Variants in DLC1 observed in about 807,000 individuals in gnomAD.
DLC1 encodes the protein rho GTPase-activating protein 7.
In DLC1, 54 loss-of-function variants were observed where a neutral mutation model predicts 140.3. The ratio of observed to expected loss-of-function variants is 0.38; its 90% CI spans 0.31 to 0.48. The LOEUF is 0.48. Among genes scored for constraint, DLC1 ranks in the 20% least tolerant of loss-of-function variants. The pLI, the probability that DLC1 is intolerant of heterozygous loss-of-function variation, is 0.96. For synonymous variants in DLC1, 986 were observed against 728.1 expected (o/e 1.35, Z -5.70); for missense variants, 2,536 against 1,907.0 (o/e 1.33, Z -6.14).
chr8:13,388,603 G>C (rs138075719), intron 4 of DLC1, among the ~76,000 whole-genome samples: 2 of 151,922 alleles, frequency 1.3e-5, no homozygotes, highest in African/African-American at 2.4e-5. Flanking sequence ...TTCAACACAG[G>C]CTTTTTGAAA....
Position 13,085,501 on chromosome 8 carries a change from G to A in DLC1, c.*310C>T, listed in dbSNP as rs1224853101. The A allele has an allele frequency of 4.4e-6, 1 of 228,682 alleles. No homozygotes were observed. Among genetic ancestry groups the A allele is most frequent in the Non-Finnish European group, 8.7e-6 (1 of 115,528 alleles). The allele number at this position is 228,682 out of a possible 1,614,324, so 14.2% of individuals were successfully genotyped here. On this transcript the variant is annotated 3_prime_UTR_variant, in exon 18 of 18. Transcript: ENST00000276297. The stretch of plus-strand genomic sequence containing the variant: ...TACACTGATATCACAAGAGAATGAA[G>A]TATCTTCATTATCTTCCATAATGTA...
chr8:13,178,567 T>A (rs1179335228), intron 5 of DLC1, among the ~76,000 whole-genome samples: 1 of 132,500 alleles, frequency 7.5e-6, no homozygotes, highest in African/African-American at 3.1e-5. Context: ...AGTGAGACTC[T>A]GCCTCAAAAA....
At chr8:13,210,390 CTT>C (rs1827879580) in intron 5 of DLC1, among the ~76,000 whole-genome samples, 1 of 152,098 alleles carries the variant, frequency 6.6e-6, no homozygotes, top group Non-Finnish European at 1.5e-5. Context: ...TGTCAACAAA[CTT>C]TTACTGGAGG....
intron 1 of DLC1, among the ~76,000 whole-genome samples, chr8:13,595,160 C>A (rs1288247972): frequency 6.6e-6 from 1 of 151,990 alleles, no homozygotes; most frequent in Non-Finnish European, 1.5e-5. Flanking sequence ...ATTAAGATTA[C>A]TAAAAATAAT....
intron 2 of DLC1, among the ~76,000 whole-genome samples, chr8:13,465,456 G>A (rs577384810): frequency 7.0e-4 from 106 of 152,224 alleles, no homozygotes; most frequent in Non-Finnish European, 1.1e-3. Flanking sequence ...GAAATGGTAC[G>A]TCACTATGAC....
chr8:13,340,629 A>C (rs1833997880), intron 4 of DLC1: 1 of 152,156 alleles, frequency 6.6e-6, no homozygotes, highest in Admixed American at 6.5e-5. Context: ...TTCTGCTCCT[A>C]ATTTCCTTTC....
intron 4 of DLC1, among the ~76,000 whole-genome samples, chr8:13,390,602 A>T (rs1224134872): frequency 6.6e-6 from 1 of 152,184 alleles, no homozygotes; most frequent in Admixed American, 6.5e-5. Context: ...TTAAACCTAG[A>T]TGGCAGGTAG....
intron 1 of DLC1, among the ~76,000 whole-genome samples, chr8:13,538,062 A>C (rs2117323549): frequency 6.6e-6 from 1 of 152,330 alleles, no homozygotes. Context: ...TAATAATAAA[A>C]ATAATTACTA....
At chr8:13,525,800 G>A (rs1802904106) in intron 1 of DLC1, among the ~76,000 whole-genome samples, 1 of 152,090 alleles carries the variant, frequency 6.6e-6, no homozygotes, top group Non-Finnish European at 1.5e-5. Flanking sequence ...GCCTTTTGAA[G>A]AGTAGAAATT....
At chr8:13,580,420 A>G (rs1332959517) in intron 1 of DLC1, among the ~76,000 whole-genome samples, 2 of 152,144 alleles carry the variant, frequency 1.3e-5, no homozygotes, top group African/African-American at 2.4e-5. Context: ...CGCGCCCGGC[A>G]GGTTGGTTAC....
At chr8:13,235,370 C>G (rs960009645) in intron 5 of DLC1, among the ~76,000 whole-genome samples, 2 of 151,928 alleles carry the variant, frequency 1.3e-5, no homozygotes, top group Non-Finnish European at 2.9e-5. Flanking sequence ...TCAGGAAATA[C>G]AAGGAAAATG....
chr8:13,088,393 A>C, intron 16 of DLC1, 94 bp downstream of exon 16: 8 of 1,420,960 alleles, frequency 5.6e-6, no homozygotes, highest in Non-Finnish European at 3.8e-6. Context: ...CTCTACTTTA[A>C]ATAATTATAC....
intron 5 of DLC1, among the ~76,000 whole-genome samples, chr8:13,230,119 T>C (rs890627838): frequency 6.6e-6 from 1 of 152,244 alleles, no homozygotes; most frequent in Non-Finnish European, 1.5e-5. Context: ...ACTGATTTCA[T>C]GCACACCAAA....
chr8:13,198,367 G>C (rs190123988), intron 5 of DLC1, among the ~76,000 whole-genome samples: 2 of 152,086 alleles, frequency 1.3e-5, no homozygotes, highest in Non-Finnish European at 2.9e-5. Flanking sequence ...ATGCTGAGCC[G>C]GTTCCAGATA....
Position 13,095,196 on chromosome 8 carries a change from G to A in DLC1, c.3217C>T (p.Arg1073Trp), listed in dbSNP as rs758071775. 6.8e-6 allele frequency: 11 copies of A among 1,614,094 alleles called. No individual in the cohort carries two copies. Among genetic ancestry groups the A allele is most frequent in the Admixed American group, 6.7e-5 (4 of 60,006 alleles). The stretch of plus-strand genomic sequence containing the variant: ...GTCAGTGGGACCCCAAACACACTCC[G>A]GTCCTTGTAGTCTGGAACCTTGATC... ...KRIKVPDYKD[R>W]SVFGVPLTVN... The change falls in exon 11 of 18, where the codon CGG becomes TGG. Residue 1073 changes from arginine (R) to tryptophan (W), a missense_variant. Arg to Trp is a moderately radical substitution (Grantham distance 101, BLOSUM62 -3). Coordinates refer to ENST00000276297, the MANE Select transcript of DLC1 (RefSeq NM_182643.3).
At chr8:13,400,834 T>C (rs890325139) in intron 3 of DLC1, among the ~76,000 whole-genome samples, 1 of 152,170 alleles carries the variant, frequency 6.6e-6, no homozygotes, top group African/African-American at 2.4e-5. Flanking sequence ...AGTAAATATG[T>C]AAAGCATATA....
chr8:13,178,572 CAAAA>C (rs75910995), intron 5 of DLC1, among the ~76,000 whole-genome samples: 2 of 79,098 alleles, frequency 2.5e-5, no homozygotes, highest in Non-Finnish European at 2.6e-5. Flanking sequence ...GACTCTGCCT[CAAAA>C]AAAAAAAAAA....
chr8:13,519,456 T>C (rs1802699709), upstream of DLC1, among the ~76,000 whole-genome samples: 3 of 152,174 alleles, frequency 2.0e-5, no homozygotes, highest in South Asian at 4.1e-4. Context: ...AAGTTCACTT[T>C]TGTAGACACA....
chr8:13,357,989 C>G (rs1299148869), intron 4 of DLC1, among the ~76,000 whole-genome samples: 1 of 151,920 alleles, frequency 6.6e-6, no homozygotes, highest in Non-Finnish European at 1.5e-5. Context: ...TCTTTATTCA[C>G]TTAATTTAAA....
Sources: allele counts gnomAD v4.1 joint callset (sites outside exome capture counted in the v4.1 genomes callset), GRCh38; gene constraint gnomAD v4.1.1; transcripts MANE v1.5; gene names NCBI Gene and HGNC (gene_info 2026-07-23, HGNC 2026-07-21).